Variants in LDLRAD3 observed in about 807,000 individuals in gnomAD.
The protein encoded by LDLRAD3 is low density lipoprotein receptor class A domain containing 3.
In LDLRAD3, 20 loss-of-function variants were observed where a neutral mutation model predicts 29.4. The observed-to-expected ratio is 0.68, with a 90% CI of 0.48 to 0.99. LDLRAD3 has a LOEUF of 0.99. Among genes scored for constraint, LDLRAD3 ranks in the 50% least tolerant of loss-of-function variants. LDLRAD3 has a pLI of 0.00. For missense variants in LDLRAD3, 420 were observed against 454.3 expected, an observed-to-expected ratio of 0.92 and a Z score of 0.69; for synonymous variants, 157 against 192.7, an observed-to-expected ratio of 0.81 and a Z score of 1.53.
intron 4 of LDLRAD3, among the ~76,000 whole-genome samples, chr11:36,140,623 G>A (rs1467357432): frequency 1.3e-5 from 2 of 151,980 alleles, no homozygotes; most frequent in Non-Finnish European, 2.9e-5. Flanking sequence ...GTCTCTCCAC[G>A]TTGCCCAGGC....
chr11:36,125,925 C>A (rs2133300703), intron 4 of LDLRAD3, among the ~76,000 whole-genome samples: 1 of 152,282 alleles, frequency 6.6e-6, no homozygotes, highest in Admixed American at 6.5e-5. Flanking sequence ...GGCTACCCCC[C>A]TTGGAAGGCA....
chr11:36,160,067 G>A (rs1854416428), intron 4 of LDLRAD3, among the ~76,000 whole-genome samples: 1 of 152,208 alleles, frequency 6.6e-6, no homozygotes, highest in African/African-American at 2.4e-5. Flanking sequence ...CTTACTGGCT[G>A]TGAGCGAGGC....
chr11:36,047,241 C>T (rs1304651078), intron 2 of LDLRAD3, among the ~76,000 whole-genome samples: 1 of 152,190 alleles, frequency 6.6e-6, no homozygotes, highest in East Asian at 1.9e-4. Context: ...AGAGCTTGCA[C>T]ATAAAAATTA....
intron 1 of LDLRAD3, among the ~76,000 whole-genome samples, chr11:36,033,688 G>A (rs959731712): frequency 6.6e-6 from 1 of 152,168 alleles, no homozygotes; most frequent in Non-Finnish European, 1.5e-5. Context: ...GCTGGAATGT[G>A]GGGGTTTTCT....
intron 4 of LDLRAD3, among the ~76,000 whole-genome samples, chr11:36,158,254 G>T (rs956595817): frequency 6.6e-6 from 1 of 152,096 alleles, no homozygotes; most frequent in African/African-American, 2.4e-5. Context: ...ACTGTCCGGG[G>T]GTAATTCCCT....
At chr11:36,108,202 C>T (rs1205136460) in intron 4 of LDLRAD3, among the ~76,000 whole-genome samples, 1 of 151,354 alleles carries the variant, frequency 6.6e-6, no homozygotes, top group East Asian at 1.9e-4. Flanking sequence ...TGCCTGTAGT[C>T]CCAGCTACTC....
chr11:36,071,623 A>T (rs1398108722), intron 2 of LDLRAD3, among the ~76,000 whole-genome samples: 1 of 152,230 alleles, frequency 6.6e-6, no homozygotes, highest in Admixed American at 6.5e-5. Context: ...TCAGGATAGC[A>T]TATATTTTAA....
intron 3 of LDLRAD3, among the ~76,000 whole-genome samples, chr11:36,091,393 C>T (rs529880287): frequency 1.3e-5 from 2 of 152,210 alleles, no homozygotes; most frequent in South Asian, 2.1e-4. Context: ...TTTGGGAGAC[C>T]GCAGTGGTCC....
At chr11:36,172,113 T>A (rs1015726991) in intron 4 of LDLRAD3, among the ~76,000 whole-genome samples, 3 of 152,176 alleles carry the variant, frequency 2.0e-5, no homozygotes, top group Admixed American at 2.0e-4. Flanking sequence ...AGTTCTTTAT[T>A]TGATTCTCAG....
At chr11:36,147,600 AC>A (rs1241790007) in intron 4 of LDLRAD3, among the ~76,000 whole-genome samples, 1 of 152,084 alleles carries the variant, frequency 6.6e-6, no homozygotes, top group Non-Finnish European at 1.5e-5. Flanking sequence ...ACACAGTTCA[AC>A]CCCCTACACA....
intron 4 of LDLRAD3, among the ~76,000 whole-genome samples, chr11:36,126,359 C>T (rs1456706182): frequency 1.3e-5 from 2 of 152,196 alleles, no homozygotes; most frequent in African/African-American, 4.8e-5. Flanking sequence ...GGCTTACACC[C>T]ACCAAGAGCA....
At chr11:36,227,486 G>T (rs145341260) in intron 5 of LDLRAD3, 56 bp downstream of exon 5, 1 of 1,316,094 alleles carries the variant, frequency 7.6e-7, no homozygotes, top group African/African-American at 1.5e-5. Context: ...GCGGGGAGGG[G>T]AATAGGTGCA....
rs117026508 is a variant in LDLRAD3, at chr11:36,213,389, G to A, written c.455-13696G>A. Reference sequence around the variant, plus strand: ...TCTCTTTTGATTCAGTCATTTGCTGGTCTGCCCTTTAAATTAAACTTTTTC... The same window carrying A: ...TCTCTTTTGATTCAGTCATTTGCTGATCTGCCCTTTAAATTAAACTTTTTC... On this transcript the variant is annotated intron_variant, in intron 4 of 5. Coordinates refer to ENST00000315571, the MANE Select transcript of LDLRAD3 (RefSeq NM_174902.4). The surrounding 1 kb of genome is among the most constrained non-coding windows in gnomAD (Gnocchi z 4.1). Among the ~76,000 whole-genome samples the A allele has an allele frequency of 1.3e-5, 2 of 152,220 alleles. No individual in the cohort carries two copies. The highest frequency in any genetic ancestry group is 4.8e-5 in the African/African-American group (2 of 41,464).
At chr11:36,053,647 G>A (rs1399125126) in intron 2 of LDLRAD3, among the ~76,000 whole-genome samples, 1 of 152,168 alleles carries the variant, frequency 6.6e-6, no homozygotes, top group Non-Finnish European at 1.5e-5. Context: ...AGAAGTGACT[G>A]GTGCACATCT....
chr11:36,174,201 A>T (rs1453337108), intron 4 of LDLRAD3, among the ~76,000 whole-genome samples: 1 of 152,242 alleles, frequency 6.6e-6, no homozygotes, highest in Non-Finnish European at 1.5e-5. Context: ...TACACCTTAC[A>T]CAAAAATTAA....
At chr11:36,062,572 G>A (rs1852717683) in intron 2 of LDLRAD3, among the ~76,000 whole-genome samples, 1 of 152,262 alleles carries the variant, frequency 6.6e-6, no homozygotes, top group South Asian at 2.1e-4. Flanking sequence ...ATCTCATCTT[G>A]AATTGTAGTT....
intron 1 of LDLRAD3, among the ~76,000 whole-genome samples, chr11:36,011,027 ACT>A (rs1207980240): frequency 6.6e-6 from 1 of 152,066 alleles, no homozygotes; most frequent in Non-Finnish European, 1.5e-5. Context: ...CTGGTCTCGA[ACT>A]CCTAACCTCA....
Position 36,230,459 on chromosome 11 carries a change from C to A in LDLRAD3, c.*1062C>A, listed in dbSNP as rs1855560203. ...TCACAGGTGAGAGCCATGTTCAATA[C>A]CTCCAGCAAGCTCTCCTGGCTCCCT... On this transcript the variant is annotated 3_prime_UTR_variant, in exon 6 of 6. Transcript: ENST00000315571. The A allele has an allele frequency of 6.5e-6, 1 of 152,774 alleles. No individual in the cohort carries two copies. Among genetic ancestry groups the A allele is most frequent in the African/African-American group, 2.4e-5 (1 of 41,444 alleles). The allele number at this position is 152,774 out of a possible 1,614,324, so 9.5% of individuals were successfully genotyped here.
At chr11:35,999,316 G>T (rs1851793649) in intron 1 of LDLRAD3, among the ~76,000 whole-genome samples, 1 of 152,198 alleles carries the variant, frequency 6.6e-6, no homozygotes, top group Admixed American at 6.5e-5. Context: ...CCTTCAGTTG[G>T]TTGGACTGGA....
Sources: allele counts gnomAD v4.1 joint callset (sites outside exome capture counted in the v4.1 genomes callset), GRCh38; gene constraint gnomAD v4.1.1; non-coding constraint Gnocchi (gnomAD v3.1); transcripts MANE v1.5; gene names NCBI Gene and HGNC (gene_info 2026-07-23, HGNC 2026-07-21).